HAUS7: variants seen among roughly 807,000 people sequenced by gnomAD.
HAUS7 encodes HAUS augmin like complex subunit 7.
In HAUS7, 3 loss-of-function variants were observed where a neutral mutation model predicts 28.4. The ratio of observed to expected loss-of-function variants is 0.11; its 90% CI spans 0.05 to 0.27. The LOEUF (loss-of-function observed/expected upper bound fraction) is 0.27, where lower values mean the gene tolerates loss of function less well. HAUS7 is among the 10% of genes least tolerant of loss of function. The pLI is 1.00. For synonymous variants in HAUS7, 165 were observed against 132.1 expected, an observed-to-expected ratio of 1.25 and a Z score of -1.71; for missense variants, 284 against 297.3, an observed-to-expected ratio of 0.96 and a Z score of 0.33.
intron 1 of HAUS7, among the ~76,000 whole-genome samples, chrX:153,488,151 G>A (rs1441123752): frequency 8.8e-6 from 1 of 113,051 alleles, no homozygotes; most frequent in African/African-American, 3.2e-5. Context: ...GCATGGCTCC[G>A]TCCCTGTCCT....
intron 1 of HAUS7, chrX:153,480,641 C>T (rs1556987124): frequency 1.3e-6 from 1 of 753,635 alleles, no homozygotes; most frequent in Admixed American, 8.6e-5. Flanking sequence ...GGAAGCTGGA[C>T]CAGTTGCGGG....
chrX:153,492,822 G>A (rs912242702), intron 1 of HAUS7, among the ~76,000 whole-genome samples: 3 of 111,041 alleles, frequency 2.7e-5, no homozygotes, highest in African/African-American at 9.9e-5. Flanking sequence ...TAGCCCTCCC[G>A]AGCCTCTGGC....
chrX:153,450,638 A>C (rs1260460962), intron 9 of HAUS7, among the ~76,000 whole-genome samples: 2 of 112,456 alleles, frequency 1.8e-5, no homozygotes, highest in East Asian at 5.6e-4. Context: ...AGGTTTCAGG[A>C]AGCCTGGGGG....
intron 1 of HAUS7, among the ~76,000 whole-genome samples, chrX:153,492,807 C>T (rs1249590216): frequency 9.0e-6 from 1 of 111,465 alleles, no homozygotes; most frequent in African/African-American, 3.3e-5. Context: ...GTCACCTCCT[C>T]CAGGTAGCCC....
intron 2 of HAUS7, among the ~76,000 whole-genome samples, chrX:153,466,770 A>C (rs782222392): frequency 1.8e-5 from 2 of 112,388 alleles, no homozygotes; most frequent in South Asian, 7.3e-4. Context: ...TACAGGTTGA[A>C]TATCCCTAAT....
At chrX:153,481,075 A>G (rs938010499) in intron 1 of HAUS7, 39 of 708,080 alleles carry the variant, frequency 5.5e-5, no homozygotes, top group Non-Finnish European at 5.9e-5. Context: ...AGGACCACGC[A>G]TGAGTTTGGC....
intron 4 of HAUS7, among the ~76,000 whole-genome samples, chrX:153,459,941 C>CG (rs1465477996): frequency 8.9e-6 from 1 of 111,882 alleles, no homozygotes; most frequent in Non-Finnish European, 1.9e-5. Context: ...GCTTGAAGCC[C>CG]GGGGGCTCAT....
intron 4 of HAUS7, among the ~76,000 whole-genome samples, chrX:153,458,969 G>T (rs960465197): frequency 9.9e-5 from 11 of 111,553 alleles, no homozygotes; most frequent in Non-Finnish European, 2.1e-4. Context: ...TGTTGTCTGG[G>T]CTGGTCTTAA....
At chrX:153,473,061 G>C (rs1305848901), upstream of HAUS7, among the ~76,000 whole-genome samples, 1 of 112,045 alleles carries the variant, frequency 8.9e-6, no homozygotes, top group African/African-American at 3.2e-5. Context: ...TGGCATTCGA[G>C]ACCTCTCAGT....
chrX:153,462,183 G>A (rs1173718581), intron 4 of HAUS7: 3 of 1,021,739 alleles, frequency 2.9e-6, no homozygotes, highest in Non-Finnish European at 3.8e-6. Context: ...TTAGAAACGA[G>A]AAGGTGGGTG....
chrX:153,477,383 C>G (rs2089569202), intron 1 of HAUS7, among the ~76,000 whole-genome samples: 1 of 113,483 alleles, frequency 8.8e-6, no homozygotes, highest in Non-Finnish European at 1.9e-5. Context: ...ACCGTCCAGT[C>G]TCCCGACCCC....
At chrX:153,486,181 G>T in intron 1 of HAUS7, 1 of 685,742 alleles carries the variant, frequency 1.5e-6, no homozygotes, top group South Asian at 2.9e-5. Flanking sequence ...GTACCCTGAG[G>T]CCAGGAGGCC....
intron 4 of HAUS7, among the ~76,000 whole-genome samples, chrX:153,460,843 G>A (rs980809860): frequency 7.1e-5 from 8 of 112,556 alleles, no homozygotes; most frequent in African/African-American, 2.6e-4. Context: ...ACGGAAGTGG[G>A]TGGTTTATGT....
chrX:153,455,984 G>A (rs889883912), intron 7 of HAUS7, among the ~76,000 whole-genome samples: 2 of 112,317 alleles, frequency 1.8e-5, no homozygotes, highest in Non-Finnish European at 1.9e-5. Context: ...GGTCTCCTCC[G>A]CAATCAAACA....
At chrX:153,470,623 A>G (rs1556985055), upstream of HAUS7, 19 of 1,177,950 alleles carry the variant, frequency 1.6e-5, no homozygotes, top group Non-Finnish European at 2.2e-5. Context: ...CCGCCAATCA[A>G]CCTCCAGCGT....
At chrX:153,469,379 G>C in intron 1 of HAUS7, 118 bp from the exon 2 acceptor site, 1 of 409,774 alleles carries the variant, frequency 2.4e-6, no homozygotes, top group Non-Finnish European at 4.3e-6. Context: ...TGGATGGAGT[G>C]CAGTGGCATG....
chrX:153,480,157 C>G (rs1757328026), intron 1 of HAUS7, among the ~76,000 whole-genome samples: 2 of 111,343 alleles, frequency 1.8e-5, no homozygotes, highest in Non-Finnish European at 3.8e-5. Flanking sequence ...CCCTACCCCC[C>G]ACCCTTGGGA....
chrX:153,479,561 G>A (rs1256424713), intron 1 of HAUS7, among the ~76,000 whole-genome samples: 1 of 112,080 alleles, frequency 8.9e-6, no homozygotes, highest in African/African-American at 3.2e-5. Context: ...TCCTAGGAGC[G>A]GGCGCTACAG....
chrX:153,486,959 G>A, intron 1 of HAUS7: 3 of 444,784 alleles, frequency 6.7e-6, no homozygotes, highest in Non-Finnish European at 9.9e-6. Context: ...GACTGGTGAG[G>A]CCGCTTCACT....
Sources: allele counts gnomAD v4.1 joint callset (sites outside exome capture counted in the v4.1 genomes callset), GRCh38; gene constraint gnomAD v4.1.1; transcripts MANE v1.5; gene names NCBI Gene and HGNC (gene_info 2026-07-23, HGNC 2026-07-21).